CD44: variants seen among roughly 807,000 people sequenced by gnomAD.
CD44 encodes CD44 antigen.
In CD44, 49 loss-of-function variants were observed where a neutral mutation model predicts 88.8. The ratio of observed to expected loss-of-function variants is 0.55; its 90% CI spans 0.44 to 0.70. The LOEUF (loss-of-function observed/expected upper bound fraction) is 0.70, where lower values mean the gene tolerates loss of function less well. Among genes scored for constraint, CD44 ranks in the 30% least tolerant of loss-of-function variants. CD44 has a pLI of 0.00. For synonymous variants in CD44, 325 were observed against 312.3 expected (o/e 1.04, Z -0.43); for missense variants, 883 against 913.8 (o/e 0.97, Z 0.43).
chr11:35,202,886 T>G (rs1186124835), intron 9 of CD44, among the ~76,000 whole-genome samples: 1 of 152,212 alleles, frequency 6.6e-6, no homozygotes, highest in East Asian at 1.9e-4. Context: ...AGGATTTTGT[T>G]CCACTCCCTT....
chr11:35,179,063 A>C (rs1944738363), intron 2 of CD44, among the ~76,000 whole-genome samples: 1 of 152,204 alleles, frequency 6.6e-6, no homozygotes, highest in Non-Finnish European at 1.5e-5. Flanking sequence ...CAAGCTAAGG[A>C]GGCTTTGGGG....
At chr11:35,195,813 A>T (rs2133966086) in intron 5 of CD44, among the ~76,000 whole-genome samples, 1 of 152,198 alleles carries the variant, frequency 6.6e-6, no homozygotes, top group East Asian at 1.9e-4. Context: ...CTGATTGATT[A>T]TCCTATTTTC....
chr11:35,187,968 G>T (rs1048538208), intron 4 of CD44, among the ~76,000 whole-genome samples: 1 of 152,168 alleles, frequency 6.6e-6, no homozygotes, highest in Non-Finnish European at 1.5e-5. Context: ...GCCTCCCAAA[G>T]TGCCAGGATT....
chr11:35,164,592 A>G (rs1463194934), intron 1 of CD44, among the ~76,000 whole-genome samples: 2 of 152,150 alleles, frequency 1.3e-5, no homozygotes. Context: ...TTCAAAGACA[A>G]CAAGTCTTAA....
intron 15 of CD44, chr11:35,219,043 G>T: frequency 2.4e-6 from 1 of 415,334 alleles, no homozygotes; most frequent in Non-Finnish European, 4.5e-6. Context: ...GGGTTGTCCA[G>T]CTCTAGACAC....
At chr11:35,189,767 T>C in intron 4 of CD44, 68 bp from the exon 5 acceptor site, 1 of 1,044,176 alleles carries the variant, frequency 9.6e-7, no homozygotes. Context: ...AGTCACTATG[T>C]TAAACGCTAA....
intron 11 of CD44, among the ~76,000 whole-genome samples, chr11:35,207,842 C>CA: frequency 6.6e-6 from 1 of 152,330 alleles, no homozygotes; most frequent in African/African-American, 2.4e-5. Flanking sequence ...ATCATGCACT[C>CA]ATGTGGAGTC....
chr11:35,190,184 G>T, intron 5 of CD44, 119 bp downstream of exon 5: 2 of 855,388 alleles, frequency 2.3e-6, no homozygotes, highest in Non-Finnish European at 3.8e-6. Flanking sequence ...CTGGAAGCTG[G>T]TGATGCCATT....
chr11:35,171,425 A>T (rs1943872534), intron 1 of CD44, among the ~76,000 whole-genome samples: 1 of 152,218 alleles, frequency 6.6e-6, no homozygotes, highest in Non-Finnish European at 1.5e-5. Context: ...TACTTTGCAT[A>T]GGATTTCTTC....
chr11:35,219,168 G>T, intron 15 of CD44, 148 bp from the exon 16 acceptor site: 1 of 640,660 alleles, frequency 1.6e-6, no homozygotes, highest in Non-Finnish European at 2.8e-6. Flanking sequence ...AATCTTTTGT[G>T]TAATGCTTTA....
intron 1 of CD44, among the ~76,000 whole-genome samples, chr11:35,162,763 G>C (rs759190749): frequency 6.6e-6 from 1 of 152,146 alleles, no homozygotes; most frequent in Admixed American, 6.5e-5. Flanking sequence ...TAGGGCTTCT[G>C]CTTGGGAAAG....
Position 35,232,035 on chromosome 11 carries a change from T to C in CD44, c.*2702T>C, listed in dbSNP as rs865984366. 7 of 152,338 alleles carry C rather than the reference T, an allele frequency of 4.6e-5. No homozygotes were observed. The highest frequency in any genetic ancestry group is 1.7e-4 in the African/African-American group (7 of 41,582). The allele number at this position is 152,338 out of a possible 1,614,324, so 9.4% of individuals were successfully genotyped here. On this transcript the variant is annotated 3_prime_UTR_variant, in exon 18 of 18. Transcript: ENST00000428726. ...ATAACAACACCAAGAATTGATTTTG[T>C]AGCCAACATTCATTCAATACTGTTA...
chr11:35,224,563 C>T (rs1188586955), intron 17 of CD44, among the ~76,000 whole-genome samples: 3 of 152,082 alleles, frequency 2.0e-5, no homozygotes, highest in Non-Finnish European at 2.9e-5. Context: ...ATGGCGAAAC[C>T]CCATCTCTAC....
At chr11:35,164,159 A>C (rs547702858) in intron 1 of CD44, among the ~76,000 whole-genome samples, 1 of 151,982 alleles carries the variant, frequency 6.6e-6, no homozygotes, top group South Asian at 2.1e-4. Context: ...ATTCACATAC[A>C]TTTCATGCCC....
chr11:35,146,827 T>C (rs1859267570), intron 1 of CD44, among the ~76,000 whole-genome samples: 1 of 152,208 alleles, frequency 6.6e-6, no homozygotes, highest in South Asian at 2.1e-4. Flanking sequence ...CATTTGGGAA[T>C]CTAGTTGTGG....
In CD44 at chr11:35,154,209, C is replaced by T. The variant is rs573730437; in HGVS notation, c.67+14839C>T. Among the ~76,000 whole-genome samples the T allele has an allele frequency of 1.8e-4, 28 of 152,238 alleles. No homozygotes were observed. The South Asian group carries it at 5.6e-3, about 30-fold the overall frequency. On this transcript the variant is annotated intron_variant, in intron 1 of 17. Transcript: ENST00000428726. ...AATCTTATCCATTTCGTTGAAAGTTCCTTGATCTTGTGGCTGAAGCTTGGG... is the reference window on the plus strand; with the variant it reads ...AATCTTATCCATTTCGTTGAAAGTTTCTTGATCTTGTGGCTGAAGCTTGGG...
intron 4 of CD44, 58 bp downstream of exon 4, chr11:35,186,958 G>A (rs1485177993): frequency 2.0e-6 from 2 of 982,290 alleles, no homozygotes; most frequent in Non-Finnish European, 3.3e-6. Flanking sequence ...GGGCTCAGGT[G>A]TGTTCTCTGT....
chr11:35,211,502 A>G (rs1948386690), intron 14 of CD44, 53 bp downstream of exon 14: 4 of 1,304,044 alleles, frequency 3.1e-6, no homozygotes, highest in Non-Finnish European at 4.4e-6. Context: ...GAAACAATAT[A>G]TAGTTTCATA....
At chr11:35,179,761 C>T (rs1004812595) in intron 2 of CD44, among the ~76,000 whole-genome samples, 9 of 152,102 alleles carry the variant, frequency 5.9e-5, no homozygotes, top group African/African-American at 2.2e-4. Context: ...AGGGGACTCA[C>T]AGGAAAAGTT....
Sources: gnomAD v4.1 joint callset for allele counts (sites outside exome capture counted in the v4.1 genomes callset) on GRCh38, gnomAD v4.1.1 for gene constraint, MANE v1.5 for transcripts, NCBI Gene and HGNC (gene_info 2026-07-23, HGNC 2026-07-21) for gene names.